Variants in STAB2 observed in about 807,000 individuals in gnomAD.
STAB2 encodes stabilin 2.
STAB2 carries 288 observed loss-of-function variants against 338.1 expected under a neutral mutation model. The observed-to-expected ratio is 0.85, with a 90% confidence interval of 0.77 to 0.94. The LOEUF is 0.94. STAB2 is among the 40% of genes least tolerant of loss of function. The pLI is 0.00. For synonymous variants in STAB2, 1,202 were observed against 1,193.3 expected (o/e 1.01, Z -0.15); for missense variants, 3,141 against 3,210.1 (o/e 0.98, Z 0.52).
At chr12:103,734,477 A>G (rs1301015566) in intron 51 of STAB2, among the ~76,000 whole-genome samples, 2 of 152,158 alleles carry the variant, frequency 1.3e-5, no homozygotes, top group African/African-American at 4.8e-5. Flanking sequence ...GCATGATCAT[A>G]TAGGAGCATG....
At chr12:103,677,765 A>G (rs1876524187) in intron 25 of STAB2, among the ~76,000 whole-genome samples, 154 bp downstream of exon 25, 1 of 152,222 alleles carries the variant, frequency 6.6e-6, no homozygotes, top group Admixed American at 6.5e-5. Flanking sequence ...CAACAAACCT[A>G]TGATGTATTA....
intron 5 of STAB2, among the ~76,000 whole-genome samples, chr12:103,627,238 T>A (rs951063242): frequency 6.6e-6 from 1 of 152,178 alleles, no homozygotes; most frequent in Non-Finnish European, 1.5e-5. Flanking sequence ...GTGTCCATCA[T>A]ACATTACACA....
Position 103,706,933 on chromosome 12 carries a change from G to A in STAB2, c.4138G>A (p.Gly1380Ser), listed in dbSNP as rs758321674. 11 of 1,614,076 alleles carry A rather than the reference G, an allele frequency of 6.8e-6. No homozygotes were observed. The highest frequency in any genetic ancestry group is 5.0e-5 in the Admixed American group (3 of 60,010). ...GVCECGEGFS[G>S]TACETCTEGK... is the part of the protein sequence containing the mutation. The stretch of plus-strand genomic sequence containing the variant: ...GTGTGAGTGTGGGGAGGGCTTCAGC[G>A]GCACAGCCTGCGAGACCTGCACCGA... Residue 1380 changes from glycine to serine, a missense_variant, in exon 38 of 69, where the codon GGC (glycine) becomes AGC (serine). Gly to Ser is a moderately conservative substitution (Grantham distance 56). Transcript: ENST00000388887.
chr12:103,755,538 C>T, intron 62 of STAB2, 71 bp downstream of exon 62: 1 of 1,609,094 alleles, frequency 6.2e-7, no homozygotes, highest in Non-Finnish European at 8.5e-7. Context: ...TGGCCAGTCA[C>T]TCCCCAAGCA....
intron 19 of STAB2, among the ~76,000 whole-genome samples, chr12:103,667,555 A>G (rs940062720): frequency 2.0e-5 from 3 of 152,172 alleles, no homozygotes; most frequent in African/African-American, 7.2e-5. Flanking sequence ...AGGGAAAAGA[A>G]AGGGAAATTA....
intron 5 of STAB2, among the ~76,000 whole-genome samples, chr12:103,630,646 GAAGA>G (rs750889768): frequency 6.6e-6 from 1 of 152,222 alleles, no homozygotes; most frequent in Non-Finnish European, 1.5e-5. Context: ...GAGAAAGACA[GAAGA>G]GAGAACCATA....
chr12:103,593,688 T>G (rs1169040225), intron 2 of STAB2, among the ~76,000 whole-genome samples: 2 of 152,212 alleles, frequency 1.3e-5, no homozygotes. Context: ...ATGTTATTCT[T>G]AACAGCAGCC....
chr12:103,659,598 T>C (rs76065529), intron 15 of STAB2, among the ~76,000 whole-genome samples: 2,223 of 152,350 alleles, frequency 0.015, 33 homozygotes, highest in East Asian at 0.044. Flanking sequence ...ACCACTGTGG[T>C]CACTGCCTTC....
chr12:103,764,858 G>A (rs539144784), intron 68 of STAB2, among the ~76,000 whole-genome samples: 15 of 152,114 alleles, frequency 9.9e-5, no homozygotes, highest in Middle Eastern at 3.4e-3. Flanking sequence ...AGCACTTTCG[G>A]AGGCCAAGGC....
intron 17 of STAB2, among the ~76,000 whole-genome samples, chr12:103,661,056 A>G (rs1333266517): frequency 6.6e-6 from 1 of 152,142 alleles, no homozygotes; most frequent in Non-Finnish European, 1.5e-5. Context: ...TACAATGGTA[A>G]TGAGTGTCCC....
At chr12:103,715,692 C>G (rs1478145276) in intron 42 of STAB2, 123 bp from the exon 43 acceptor site, 2 of 1,070,048 alleles carry the variant, frequency 1.9e-6, no homozygotes, top group East Asian at 4.9e-5. Flanking sequence ...TTCCAGAAAA[C>G]TGAATCATGC....
intron 58 of STAB2, among the ~76,000 whole-genome samples, chr12:103,747,673 A>G (rs1165432121): frequency 6.6e-6 from 1 of 152,092 alleles, no homozygotes; most frequent in African/African-American, 2.4e-5. Flanking sequence ...GCAACCATGA[A>G]CCCACCTGAA....
At chr12:103,678,690 C>A (rs1876614111) in intron 25 of STAB2, among the ~76,000 whole-genome samples, 1 of 152,044 alleles carries the variant, frequency 6.6e-6, no homozygotes. Flanking sequence ...CCACGCCTGG[C>A]TAATTTTGTT....
Position 103,591,016 on chromosome 12 carries a change from G to A in STAB2, c.201G>A (p.Gly67=), listed in dbSNP as rs1956789941. Residue 67 remains glycine, a synonymous_variant, in exon 2 of 69, where the codon GGG becomes GGA. Coordinates refer to ENST00000388887, the MANE Select transcript of STAB2 (RefSeq NM_017564.10). ...GYTMITSGSV[G]VRDCRYTFEV... ...CCATGATTACCAGTGGCTCTGTAGG[G>A]GTTCGAGATTGCAGGTACTCATGAG... is the stretch of plus-strand genomic sequence containing the variant. 2 of 1,613,756 alleles carry A rather than the reference G, an allele frequency of 1.2e-6. No homozygotes were observed. The highest frequency in any genetic ancestry group is 1.3e-5 in the African/African-American group (1 of 74,956).
At chr12:103,636,184 C>T (rs745602470) in intron 6 of STAB2, among the ~76,000 whole-genome samples, 10 of 150,728 alleles carry the variant, frequency 6.6e-5, no homozygotes, top group South Asian at 2.1e-4. Flanking sequence ...TCTCCTAATG[C>T]TATCCATCCC....
chr12:103,766,500 G>C lies in STAB2; in HGVS notation c.*164G>C. ...GGGGTTGTTTCTGTGGGTGAGAGAT[G>C]TGTTGCTGTGCCCACCCAGTACAGC... On this transcript the variant is annotated 3_prime_UTR_variant, in exon 69 of 69. Transcript: ENST00000388887. 1.3e-6 allele frequency: 1 copy of C among 761,254 alleles called. No homozygotes were observed. Among genetic ancestry groups the C allele is most frequent in the Non-Finnish European group, 2.1e-6 (1 of 483,088 alleles). The allele number at this position is 761,254 out of a possible 1,614,324, so 47.2% of individuals were successfully genotyped here. A position where few individuals can be genotyped will look rare whatever the true frequency, so the allele number is the denominator to read the frequency against.
intron 5 of STAB2, among the ~76,000 whole-genome samples, chr12:103,630,897 C>A (rs560122657): frequency 2.5e-4 from 38 of 152,302 alleles, no homozygotes; most frequent in African/African-American, 8.9e-4. Flanking sequence ...TTGTTTTAAG[C>A]CACTAAGTTT....
At chr12:103,737,271 G>A (rs947924927) in intron 52 of STAB2, among the ~76,000 whole-genome samples, 1 of 152,186 alleles carries the variant, frequency 6.6e-6, no homozygotes, top group African/African-American at 2.4e-5. Context: ...GACTGCCTGG[G>A]TGCAAATGCC....
At position 103,644,542 on chromosome 12, in the gene STAB2, TAAATAAATAAATA is replaced by T. The variant is rs1189900426; in HGVS notation, c.1041-4145_1041-4133del. On this transcript the variant is annotated intron_variant, in intron 9 of 68. Transcript: ENST00000388887. ...AGAATGATCAATAAAAATAAATAAATAAATAAATAAATAAATAAATAAATAAATAAAAATAAAA... is the reference window on the plus strand; with the variant it reads ...AGAATGATCAATAAAAATAAATAAATAATAAATAAATAAATAAAAATAAAA... Among the ~76,000 whole-genome samples, 7 of 10,418 alleles carry T rather than the reference TAAATAAATAAATA, an allele frequency of 6.7e-4. No individual in the cohort carries two copies. The South Asian group carries it at 0.016, about 23-fold the overall frequency. The allele number at this position is 10,418 out of a possible 152,430, so 6.8% of individuals were successfully genotyped here. A position where few individuals can be genotyped will look rare whatever the true frequency, so the allele number is the denominator to read the frequency against.
Sources: gnomAD v4.1 joint callset for allele counts (sites outside exome capture counted in the v4.1 genomes callset) on GRCh38, gnomAD v4.1.1 for gene constraint, MANE v1.5 for transcripts, NCBI Gene and HGNC (gene_info 2026-07-23, HGNC 2026-07-21) for gene names.